The following TRIM24 variants were observed in gnomAD, a reference collection of about 807,000 sequenced individuals.
TRIM24 encodes transcription intermediary factor 1-alpha.
Under a neutral mutation model 123.9 loss-of-function variants are expected in TRIM24, and 29 were observed. That is an observed-to-expected ratio of 0.23 (90% CI 0.17 to 0.32). The LOEUF is 0.32. Ranked by LOEUF, TRIM24 falls within the 10% of genes least tolerant of loss-of-function variation. TRIM24 has a pLI of 1.00. For missense variants in TRIM24, 932 were observed against 1,295.3 expected, an observed-to-expected ratio of 0.72 and a Z score of 4.31; for synonymous variants, 456 against 461.1, an observed-to-expected ratio of 0.99 and a Z score of 0.14.
intron 9 of TRIM24, among the ~76,000 whole-genome samples, chr7:138,562,244 G>T (rs1234544964): frequency 6.6e-6 from 1 of 152,078 alleles, no homozygotes; most frequent in Admixed American, 6.5e-5. Context: ...GAGATTTTTT[G>T]AATCCTTGTG....
intron 1 of TRIM24, among the ~76,000 whole-genome samples, chr7:138,488,696 C>T (rs1295973351): frequency 6.6e-6 from 1 of 152,174 alleles, no homozygotes; most frequent in Non-Finnish European, 1.5e-5. Flanking sequence ...AATTTGATTG[C>T]ACAGTGGTCT....
intron 9 of TRIM24, among the ~76,000 whole-genome samples, chr7:138,562,776 T>C (rs1024017200): frequency 2.0e-5 from 3 of 152,200 alleles, no homozygotes; most frequent in African/African-American, 7.2e-5. Flanking sequence ...ACAGTTCTGG[T>C]GGCTTTTTTG....
chr7:138,524,482 G>T (rs1231723120), intron 4 of TRIM24, among the ~76,000 whole-genome samples: 1 of 152,104 alleles, frequency 6.6e-6, no homozygotes, highest in Non-Finnish European at 1.5e-5. Flanking sequence ...ATTATTAACT[G>T]GGTATCCCCT....
intron 5 of TRIM24, among the ~76,000 whole-genome samples, chr7:138,527,509 A>G (rs1796634296): frequency 6.6e-6 from 1 of 152,108 alleles, no homozygotes; most frequent in South Asian, 2.1e-4. Flanking sequence ...TGAATATTTA[A>G]ATGACTTTTT....
At chr7:138,536,664 G>C (rs1254015633) in intron 6 of TRIM24, among the ~76,000 whole-genome samples, 2 of 152,190 alleles carry the variant, frequency 1.3e-5, no homozygotes, top group African/African-American at 4.8e-5. Flanking sequence ...TGGGGGTTAG[G>C]GACCCACTTG....
intron 5 of TRIM24, among the ~76,000 whole-genome samples, chr7:138,527,087 T>C (rs561208238): frequency 1.8e-4 from 27 of 152,314 alleles, no homozygotes; most frequent in South Asian, 4.1e-4. Flanking sequence ...CTATCATTTG[T>C]TGAAAAAACT....
At chr7:138,568,379 C>CTTTTTTTTGTTTTT (rs1797580161) in intron 10 of TRIM24, among the ~76,000 whole-genome samples, 1 of 68,682 alleles carries the variant, frequency 1.5e-5, no homozygotes, top group Non-Finnish European at 2.5e-5. Context: ...ACCTGGCCTC[C>CTTTTTTTTGTTTTT]TTTTTTTTTT....
chr7:138,465,533 G>A (rs1795116873), intron 1 of TRIM24, among the ~76,000 whole-genome samples: 1 of 152,060 alleles, frequency 6.6e-6, no homozygotes, highest in African/African-American at 2.4e-5. Flanking sequence ...CTTTTGAAAG[G>A]TATTATTTGT....
rs1027437086 is a variant in TRIM24, at chr7:138,521,300, G to A, written c.764+1979G>A. On this transcript the variant is annotated intron_variant, in intron 4 of 18. Transcript: ENST00000343526. ...ATAATATCTTGTTGATGTGGTGTGC[G>A]TATATGTATATCACATAGCAGCAAA... Among the ~76,000 whole-genome samples the A allele has an allele frequency of 1.2e-4, 18 of 152,270 alleles. 1 individual carries two copies. The highest frequency in any genetic ancestry group is 6.5e-4 in the Admixed American group (10 of 15,294).
At chr7:138,492,819 T>G (rs1246044119) in intron 1 of TRIM24, among the ~76,000 whole-genome samples, 1 of 152,234 alleles carries the variant, frequency 6.6e-6, no homozygotes, top group Non-Finnish European at 1.5e-5. Flanking sequence ...TCATCAAATT[T>G]AGGAAGTTTT....
At chr7:138,501,892 A>G (rs1183486918) in intron 1 of TRIM24, among the ~76,000 whole-genome samples, 1 of 151,766 alleles carries the variant, frequency 6.6e-6, no homozygotes, top group Admixed American at 6.6e-5. Context: ...CGTCTCAAAA[A>G]AAAAAACCAG....
At chr7:138,555,767 C>A (rs1797303633) in intron 9 of TRIM24, among the ~76,000 whole-genome samples, 1 of 152,076 alleles carries the variant, frequency 6.6e-6, no homozygotes. Flanking sequence ...CAGGCATGAC[C>A]CACTGTGCCC....
At position 138,515,199 on chromosome 7, in the gene TRIM24, G is replaced by A. The variant is rs1796371076; in HGVS notation, c.484-13G>A. 4.4e-6 allele frequency: 7 copies of A among 1,596,776 alleles called. No homozygotes were observed. In the East Asian group the frequency reaches 1.6e-4, roughly 36 times the overall value. ...TTTTCTCAAAAATTTACGTGCCATG[G>A]TTCTTTTGTCAGGTATGTACAAGCT... On this transcript the variant is annotated splice_polypyrimidine_tract_variant and intron_variant, in intron 2 of 18. Transcript: ENST00000343526.
In TRIM24 at chr7:138,587,642, T is replaced by C. The variant is rs1798042762; in HGVS notation, c.*2691T>C. The C allele has an allele frequency of 6.6e-6, 1 of 152,234 alleles. No homozygotes were observed. Among genetic ancestry groups the C allele is most frequent in the South Asian group, 2.1e-4 (1 of 4,836 alleles). The allele number at this position is 152,234 out of a possible 1,614,324, so 9.4% of individuals were successfully genotyped here. On this transcript the variant is annotated 3_prime_UTR_variant, in exon 19 of 19. Coordinates refer to ENST00000343526, the MANE Select transcript of TRIM24 (RefSeq NM_015905.3). ...CCATAAACTCTGGGAGATTTCCCTCTGGATTTGGGATCAGGAGCCCAGTAG... is the reference window on the plus strand; with the variant it reads ...CCATAAACTCTGGGAGATTTCCCTCCGGATTTGGGATCAGGAGCCCAGTAG...
intron 2 of TRIM24, among the ~76,000 whole-genome samples, chr7:138,506,216 T>C (rs1018303182): frequency 6.6e-6 from 1 of 152,228 alleles, no homozygotes; most frequent in Non-Finnish European, 1.5e-5. Flanking sequence ...GTGAACCTTG[T>C]CAAAGGCCAA....
chr7:138,539,799 A>T (rs1360832876), intron 7 of TRIM24, among the ~76,000 whole-genome samples: 13 of 136,328 alleles, frequency 9.5e-5, no homozygotes, highest in African/African-American at 3.5e-4. Flanking sequence ...CAATTAAGTA[A>T]TCTTTTTTTT....
rs185204898 is a variant in TRIM24 at position 138,480,983 on chromosome 7, A to T, written c.364+20071A>T. On this transcript the variant is annotated intron_variant, in intron 1 of 18. Transcript: ENST00000343526. ...ATTTAAACTTTTTTTTTCATTTTTT[A>T]AAAAGTTATTATTATTATTATTTTT... Among the ~76,000 whole-genome samples, 675 of 150,912 alleles carry T rather than the reference A, an allele frequency of 4.5e-3. 1 individual carries two copies. Among genetic ancestry groups the T allele is most frequent in the Non-Finnish European group, 6.1e-3 (416 of 67,726 alleles).
intron 1 of TRIM24, among the ~76,000 whole-genome samples, chr7:138,498,892 C>T (rs896668335): frequency 6.6e-6 from 1 of 152,082 alleles, no homozygotes; most frequent in African/African-American, 2.4e-5. Context: ...CCTTGGCCTC[C>T]CAAAGTGTTG....
Position 138,567,545 on chromosome 7 carries a change from C to A in TRIM24, c.1595C>A (p.Pro532His), listed in dbSNP as rs1797560214. The A allele has an allele frequency of 1.2e-6, 2 of 1,613,978 alleles. No individual in the cohort carries two copies. Among genetic ancestry groups the A allele is most frequent in the South Asian group, 1.1e-5 (1 of 91,066 alleles). The change falls in exon 10 of 19, where the codon CCT becomes CAT. Residue 532 changes from proline (P) to histidine (H), a missense_variant. Transcript: ENST00000343526. Reference sequence around the variant, plus strand: ...CCCAAACCCAATGGACCAGTTCTTCCTCCTCATCCTCAACAACTGAGATAT... The same window carrying A: ...CCCAAACCCAATGGACCAGTTCTTCATCCTCATCCTCAACAACTGAGATAT... ...HSPKPNGPVL[P>H]PHPQQLRYPP...
Sources: gnomAD v4.1 joint callset for allele counts (sites outside exome capture counted in the v4.1 genomes callset) on GRCh38, gnomAD v4.1.1 for gene constraint, MANE v1.5 for transcripts, NCBI Gene and HGNC (gene_info 2026-07-23, HGNC 2026-07-21) for gene names.